The following ANO7 variants were observed in gnomAD, a reference collection of about 807,000 sequenced individuals.
ANO7 encodes anoctamin-7.
ANO7 carries 114 observed loss-of-function variants against 115.8 expected under a neutral mutation model. The ratio of observed to expected loss-of-function variants is 0.98; its 90% CI spans 0.85 to 1.15. ANO7 has a LOEUF of 1.15. ANO7 is among the 50% of genes most tolerant of loss of function. The probability of loss-of-function intolerance (pLI) is 0.00; values close to 1 mark genes in which losing one functional copy is unlikely to be tolerated. For missense variants in ANO7, 1,302 were observed against 1,201.2 expected (o/e 1.08, Z -1.24); for synonymous variants, 550 against 498.2 (o/e 1.10, Z -1.38).
At position 241,224,326 on chromosome 2, in the gene ANO7, C is replaced by T. The variant is rs1056323459; in HGVS notation, c.*173C>T. On this transcript the variant is annotated 3_prime_UTR_variant, in exon 25 of 25. Coordinates refer to ENST00000674324, the MANE Select transcript of ANO7 (RefSeq NM_001370694.2). ...CCAGCGCCGGCTTCTCTCCTCAGAG[C>T]GCCTGTCACTCCATCCCCGGCAGGG... 8 of 683,426 alleles carry T rather than the reference C, an allele frequency of 1.2e-5. No individual in the cohort carries two copies. The highest frequency in any genetic ancestry group is 2.8e-5 in the Admixed American group (1 of 35,520). The allele number at this position is 683,426 out of a possible 1,614,324, so 42.3% of individuals were successfully genotyped here. A position where few individuals can be genotyped will look rare whatever the true frequency, so the allele number is the denominator to read the frequency against.
intron 15 of ANO7, among the ~76,000 whole-genome samples, 167 bp from the exon 16 acceptor site, chr2:241,211,927 T>C (rs752381956): frequency 1.4e-4 from 21 of 152,178 alleles, no homozygotes; most frequent in Admixed American, 3.9e-4. Context: ...AATCAACATG[T>C]TTTTGGGTGA....
At chr2:241,217,096 G>A (rs2068849216) in intron 19 of ANO7, among the ~76,000 whole-genome samples, 1 of 152,222 alleles carries the variant, frequency 6.6e-6, no homozygotes, top group Admixed American at 6.5e-5. Flanking sequence ...GCCTCCCAAA[G>A]TGCTGGGGAT....
chr2:241,218,396 A>G lies in ANO7; in HGVS notation c.2321+15A>G. On this transcript the variant is annotated intron_variant, in intron 21 of 24. Transcript: ENST00000674324. The stretch of plus-strand genomic sequence containing the variant: ...CGCACGTGCAGGTGAGCCCCGCGCC[A>G]GGTGGAGGGGGCCGCGGGCGCACGA... The G allele has an allele frequency of 7.6e-7, 1 of 1,319,464 alleles. No homozygotes were observed. Among genetic ancestry groups the G allele is most frequent in the Non-Finnish European group, 9.7e-7 (1 of 1,028,106 alleles). The allele number at this position is 1,319,464 out of a possible 1,614,324, so 81.7% of individuals were successfully genotyped here.
At chr2:241,223,498 G>A (rs2069076876) in intron 22 of ANO7, 164 bp from the exon 23 acceptor site, 13 of 1,192,732 alleles carry the variant, frequency 1.1e-5, no homozygotes, top group African/African-American at 1.5e-5. Context: ...CCAGGGCCAC[G>A]AAAGCTGGGG....
At chr2:241,216,786 T>C (rs772981456) in intron 19 of ANO7, among the ~76,000 whole-genome samples, 2 of 152,202 alleles carry the variant, frequency 1.3e-5, no homozygotes, top group African/African-American at 4.8e-5. Flanking sequence ...AGGGTCTGAC[T>C]CTGAGCTGAC....
In ANO7 at chr2:241,195,827, T is replaced by C; in HGVS notation, c.291T>C (p.Ala97=). 1 of 1,614,218 alleles carries C rather than the reference T, an allele frequency of 6.2e-7. No homozygotes were observed. The highest frequency in any genetic ancestry group is 8.5e-7 in the Non-Finnish European group (1 of 1,180,020). The change falls in exon 4 of 25, where the codon GCT becomes GCC. Residue 97 remains alanine, a synonymous_variant. Transcript: ENST00000674324. ...CTTTTCTGGATAATCTTCGTGCGGC[T>C]GGGCTGTGTGTAGACCAGGTACGTG... ...RETFLDNLRA[A]GLCVDQQDVQ... is the part of the protein sequence containing the mutation.
chr2:241,224,235 G>T lies in ANO7; in HGVS notation c.*82G>T. 1 of 1,500,742 alleles carries T rather than the reference G, an allele frequency of 6.7e-7. No individual in the cohort carries two copies. Among genetic ancestry groups the T allele is most frequent in the East Asian group, 2.3e-5 (1 of 43,152 alleles). The allele number at this position is 1,500,742 out of a possible 1,614,324, so 93.0% of individuals were successfully genotyped here. ...GCAGCGTCCTTTTCCTCTTCCCTCA[G>T]GCAGCGGCTGTGTGAACCGCTGGCT... On this transcript the variant is annotated 3_prime_UTR_variant, in exon 25 of 25. Transcript: ENST00000674324.
intron 21 of ANO7, among the ~76,000 whole-genome samples, chr2:241,221,610 C>T (rs1335917790): frequency 6.6e-6 from 1 of 151,820 alleles, no homozygotes; most frequent in Admixed American, 6.6e-5. Context: ...AACTCCGAAC[C>T]TCAGGTATCT....
At chr2:241,238,969 A>G in the ANO7 span, among the ~76,000 whole-genome samples, 769 of 152,248 alleles carry the variant, frequency 5.1e-3, 6 homozygotes, top group African/African-American at 0.018. The surrounding 1 kb of genome is among the most constrained non-coding windows in gnomAD (Gnocchi z 4.9). Context: ...GGACAGGTCT[A>G]AGGGGGTGGG....
At chr2:241,233,125 G>A in the ANO7 span, among the ~76,000 whole-genome samples, 1 of 152,166 alleles carries the variant, frequency 6.6e-6, no homozygotes, top group Admixed American at 6.5e-5. This position sits in a 1 kb window ranked among gnomAD's most constrained non-coding sequence, Gnocchi z 4.3. Flanking sequence ...AGGCTTGCTA[G>A]TCTCCCACTG....
the ANO7 span, chr2:241,236,592 G>A: frequency 4.3e-6 from 7 of 1,612,318 alleles, no homozygotes; most frequent in African/African-American, 6.7e-5. Flanking sequence ...GCGGGGGGTG[G>A]AGGGGGGCAC....
chr2:241,217,016 A>T (rs973502964), intron 19 of ANO7, among the ~76,000 whole-genome samples: 1 of 152,008 alleles, frequency 6.6e-6, no homozygotes, highest in African/African-American at 2.4e-5. Context: ...TATTTTTAGT[A>T]GAGGCGGAGT....
At chr2:241,210,143 G>C in intron 13 of ANO7, 152 bp from the exon 14 acceptor site, 1 of 726,886 alleles carries the variant, frequency 1.4e-6, no homozygotes, top group Non-Finnish European at 2.4e-6. Context: ...CATAGCCTGG[G>C]AGCACAGCCG....
the ANO7 span, chr2:241,236,541 C>G: frequency 7.3e-6 from 11 of 1,501,402 alleles, no homozygotes; most frequent in Non-Finnish European, 1.0e-5. Context: ...CCATCCCATC[C>G]AGGCCACGCG....
intron 4 of ANO7, chr2:241,196,096 C>T (rs2068321773): frequency 7.1e-7 from 1 of 1,398,920 alleles, no homozygotes; most frequent in South Asian, 1.7e-5. Context: ...CTCAGGGTCA[C>T]CTGAAAACTC....
intron 21 of ANO7, 73 bp from the exon 22 acceptor site, chr2:241,223,113 G>A: frequency 7.4e-7 from 1 of 1,353,974 alleles, no homozygotes; most frequent in South Asian, 1.2e-5. Flanking sequence ...GGGGAGATAG[G>A]CTAATTCCAG....
the ANO7 span, chr2:241,236,907 A>T: frequency 5.8e-5 from 40 of 684,302 alleles, 1 homozygote; most frequent in East Asian, 1.4e-3. Flanking sequence ...GTCCTTCAGG[A>T]GGTCTTGGTC....
intron 3 of ANO7, 143 bp from the exon 4 acceptor site, chr2:241,195,560 G>C (rs1022603893): frequency 9.2e-6 from 7 of 759,408 alleles, no homozygotes; most frequent in Middle Eastern, 3.8e-4. Flanking sequence ...GCTGGGACCA[G>C]AGAGGGGATC....
rs1185030461 is a variant in ANO7 at position 241,217,944 on chromosome 2, CGGG to C, written c.2178+59_2178+61del. The C allele has an allele frequency of 1.1e-4, 5 of 46,580 alleles. 2 individuals are homozygous for C. The highest frequency in any genetic ancestry group is 7.9e-4 in the South Asian group (2 of 2,532). 2.9% of individuals were successfully genotyped at this position (46,580 alleles called of 1,614,324 possible). The stretch of plus-strand genomic sequence containing the variant: ...GGGCGGGGGCGCGCAGGGGCGGGGG[CGGG>C]GGGGGCAGCGGGGGCGCGCAGGGGC... On this transcript the variant is annotated intron_variant, in intron 20 of 24. Coordinates refer to ENST00000674324, the MANE Select transcript of ANO7 (RefSeq NM_001370694.2).
Sources: gnomAD v4.1 joint callset for allele counts (sites outside exome capture counted in the v4.1 genomes callset) on GRCh38, gnomAD v4.1.1 for gene constraint, Gnocchi (gnomAD v3.1) non-coding constraint, MANE v1.5 for transcripts, NCBI Gene and HGNC (gene_info 2026-07-23, HGNC 2026-07-21) for gene names.